CNTNAP2: variants seen among roughly 807,000 people sequenced by gnomAD.
The protein encoded by CNTNAP2 is contactin-associated protein-like 2.
CNTNAP2 carries 98 observed loss-of-function variants against 155.2 expected under a neutral mutation model. The ratio of observed to expected loss-of-function variants is 0.63; its 90% CI spans 0.54 to 0.75. CNTNAP2 has a LOEUF of 0.75. CNTNAP2 is among the 30% of genes least tolerant of loss of function. The pLI, the probability that CNTNAP2 is intolerant of heterozygous loss-of-function variation, is 0.00. For missense variants in CNTNAP2, 1,727 were observed against 1,688.1 expected, an observed-to-expected ratio of 1.02 and a Z score of -0.40; for synonymous variants, 651 against 631.2, an observed-to-expected ratio of 1.03 and a Z score of -0.47.
intron 3 of CNTNAP2, among the ~76,000 whole-genome samples, chr7:146,880,338 C>A (rs140372683): frequency 6.6e-6 from 1 of 151,860 alleles, no homozygotes; most frequent in Admixed American, 6.6e-5. Flanking sequence ...TTCTGCCATT[C>A]GAAGAACACC....
chr7:147,264,639 G>A (rs898918532), intron 8 of CNTNAP2, among the ~76,000 whole-genome samples: 1 of 150,292 alleles, frequency 6.7e-6, no homozygotes, highest in Non-Finnish European at 1.5e-5. Context: ...ATGCCTGACG[G>A]GGCCAGCCTG....
chr7:147,799,341 T>C (rs1000861470), intron 13 of CNTNAP2, among the ~76,000 whole-genome samples: 4 of 152,100 alleles, frequency 2.6e-5, no homozygotes, highest in African/African-American at 9.7e-5. Context: ...CCATCAATAA[T>C]CCTGTAGGCA....
intron 3 of CNTNAP2, among the ~76,000 whole-genome samples, chr7:146,978,665 G>A (rs1419671361): frequency 2.0e-5 from 3 of 150,924 alleles, no homozygotes. Flanking sequence ...GAATTAATAG[G>A]CATTAATATT....
chr7:148,170,931 T>G (rs570304879), intron 17 of CNTNAP2, among the ~76,000 whole-genome samples: 39 of 152,284 alleles, frequency 2.6e-4, no homozygotes, highest in Non-Finnish European at 2.9e-4. Flanking sequence ...CCTCCAAATC[T>G]ACATCTCAGA....
At chr7:148,267,821 T>C (rs1043735966) in intron 21 of CNTNAP2, among the ~76,000 whole-genome samples, 1 of 152,192 alleles carries the variant, frequency 6.6e-6, no homozygotes, top group African/African-American at 2.4e-5. Flanking sequence ...TAGAATTTGG[T>C]CTATTACAGA....
chr7:146,884,744 G>T (rs576128634), intron 3 of CNTNAP2, among the ~76,000 whole-genome samples: 14 of 152,198 alleles, frequency 9.2e-5, no homozygotes, highest in Middle Eastern at 3.4e-3. Flanking sequence ...TGATGAGCAG[G>T]AATTAGTCAA....
rs565695001 is a variant in CNTNAP2, at chr7:147,368,768, A to G, written c.1499-26841A>G. On this transcript the variant is annotated intron_variant, in intron 9 of 23. Transcript: ENST00000361727. ...CCAATCACATCTTTCTAAATACAAA[A>G]GAGTTCCTCTTATTGCTGAAGCACC... Among the ~76,000 whole-genome samples, 13 of 152,336 alleles carry G rather than the reference A, an allele frequency of 8.5e-5. No individual in the cohort carries two copies. The East Asian group carries it at 2.5e-3, about 29-fold the overall frequency.
At chr7:148,390,952 G>C (rs1435784205) in intron 22 of CNTNAP2, among the ~76,000 whole-genome samples, 1 of 152,196 alleles carries the variant, frequency 6.6e-6, no homozygotes, top group Non-Finnish European at 1.5e-5. Context: ...GCAGCATGTA[G>C]CCTAGATAGG....
intron 1 of CNTNAP2, among the ~76,000 whole-genome samples, chr7:146,197,650 T>C (rs1359748127): frequency 6.6e-6 from 1 of 152,232 alleles, no homozygotes; most frequent in African/African-American, 2.4e-5. Flanking sequence ...TCAATTGTTC[T>C]TCAAAATATT....
chr7:146,314,041 T>G (rs1429504276), intron 1 of CNTNAP2, among the ~76,000 whole-genome samples: 1 of 152,170 alleles, frequency 6.6e-6, no homozygotes, highest in Non-Finnish European at 1.5e-5. Flanking sequence ...ATATTTGTAT[T>G]TCTAGTGATA....
At chr7:147,570,198 G>C (rs543314188) in intron 12 of CNTNAP2, among the ~76,000 whole-genome samples, 3 of 152,180 alleles carry the variant, frequency 2.0e-5, no homozygotes, top group East Asian at 1.9e-4. Context: ...AAAGAAGCCC[G>C]GTCCCATTAG....
chr7:148,034,936 A>G (rs938491527), intron 15 of CNTNAP2, among the ~76,000 whole-genome samples: 1 of 152,230 alleles, frequency 6.6e-6, no homozygotes, highest in Non-Finnish European at 1.5e-5. Flanking sequence ...AGTAAAGGCC[A>G]TTCTTGTTAT....
intron 14 of CNTNAP2, among the ~76,000 whole-genome samples, chr7:147,959,134 G>A (rs1188108573): frequency 1.3e-5 from 2 of 152,184 alleles, no homozygotes; most frequent in African/African-American, 2.4e-5. Flanking sequence ...GCATTTACCT[G>A]GTTCCCTCTG....
chr7:146,120,110 A>G (rs1186479270), intron 1 of CNTNAP2, among the ~76,000 whole-genome samples: 1 of 151,954 alleles, frequency 6.6e-6, no homozygotes, highest in Non-Finnish European at 1.5e-5. Context: ...CAACAATATT[A>G]AGCAATAGTA....
At chr7:146,770,975 T>C (rs997761770) in intron 1 of CNTNAP2, among the ~76,000 whole-genome samples, 1 of 152,084 alleles carries the variant, frequency 6.6e-6, no homozygotes, top group African/African-American at 2.4e-5. Context: ...GAAAAATTTC[T>C]CCTAGCATGA....
intron 3 of CNTNAP2, among the ~76,000 whole-genome samples, chr7:146,919,065 C>G (rs1169492058): frequency 6.6e-6 from 1 of 152,180 alleles, no homozygotes; most frequent in African/African-American, 2.4e-5. Flanking sequence ...ACATACTTCA[C>G]TGGAGAGTTT....
At chr7:146,396,715 A>ATC (rs1177878012) in intron 1 of CNTNAP2, among the ~76,000 whole-genome samples, 1 of 150,766 alleles carries the variant, frequency 6.6e-6, no homozygotes, top group Admixed American at 6.6e-5. Context: ...ATACATATAT[A>ATC]TATGTGTATA....
chr7:147,817,875 A>C (rs1798298586), intron 13 of CNTNAP2, among the ~76,000 whole-genome samples: 1 of 149,194 alleles, frequency 6.7e-6, no homozygotes, highest in Non-Finnish European at 1.5e-5. Flanking sequence ...ACTGCACTCC[A>C]GCCTGGGCAA....
chr7:148,166,076 C>T (rs1445445890), intron 17 of CNTNAP2, among the ~76,000 whole-genome samples: 1 of 151,984 alleles, frequency 6.6e-6, no homozygotes, highest in East Asian at 1.9e-4. Context: ...ATCCTAACCA[C>T]CCTACTTGAA....
Sources: allele counts gnomAD v4.1 joint callset (sites outside exome capture counted in the v4.1 genomes callset), GRCh38; gene constraint gnomAD v4.1.1; transcripts MANE v1.5; gene names NCBI Gene and HGNC (gene_info 2026-07-23, HGNC 2026-07-21).